The following ADAMTS9 variants were observed in gnomAD, a reference collection of about 807,000 sequenced individuals.
The protein encoded by ADAMTS9 is A disintegrin and metalloproteinase with thrombospondin motifs 9.
ADAMTS9 carries 107 observed loss-of-function variants against 257.1 expected under a neutral mutation model. The ratio of observed to expected loss-of-function variants is 0.42; its 90% CI spans 0.36 to 0.49. The LOEUF is 0.49. Ranked by LOEUF, ADAMTS9 falls within the 20% of genes least tolerant of loss-of-function variation. The pLI is 0.03. For missense variants in ADAMTS9, 2,353 were observed against 2,469.1 expected, an observed-to-expected ratio of 0.95 and a Z score of 1.00; for synonymous variants, 982 against 880.9, an observed-to-expected ratio of 1.11 and a Z score of -2.03.
Position 64,641,952 on chromosome 3 carries a change from G to A in ADAMTS9, c.1752C>T (p.Val584=). Residue 584 remains valine (V), a synonymous_variant, in exon 12 of 40, where the codon GTC becomes GTT. Coordinates refer to ENST00000498707, the MANE Select transcript of ADAMTS9 (RefSeq NM_182920.2). The part of the protein sequence containing the change: ...YGFCVPKEMD[V]PVTDGSWGSW... ...TTCCCCAGGATCCATCTGTCACGGG[G>A]ACATCCATTTCTTTGGGAACACAAA... is the stretch of plus-strand genomic sequence containing the variant. The A allele has an allele frequency of 6.2e-7, 1 of 1,614,078 alleles. No homozygotes were observed. Among genetic ancestry groups the A allele is most frequent in the Admixed American group, 1.7e-5 (1 of 60,010 alleles).
At chr3:64,556,309 T>C (rs1415487914) in intron 30 of ADAMTS9, among the ~76,000 whole-genome samples, 1 of 152,120 alleles carries the variant, frequency 6.6e-6, no homozygotes, top group East Asian at 1.9e-4. Context: ...AGTTTGACTG[T>C]GCTTTTATTT....
chr3:64,576,248 C>A (rs745883547), intron 28 of ADAMTS9, among the ~76,000 whole-genome samples: 1 of 152,276 alleles, frequency 6.6e-6, no homozygotes, highest in African/African-American at 2.4e-5. Flanking sequence ...AGAACTCCTG[C>A]GTTTCTCCCT....
At chr3:64,544,667 G>A (rs911894130) in intron 32 of ADAMTS9, among the ~76,000 whole-genome samples, 1 of 152,096 alleles carries the variant, frequency 6.6e-6, no homozygotes, top group East Asian at 1.9e-4. Context: ...AACCCTAGAA[G>A]AAAACCTAGG....
intron 39 of ADAMTS9, 66 bp downstream of exon 39, chr3:64,522,100 G>T: frequency 7.2e-7 from 1 of 1,381,796 alleles, no homozygotes; most frequent in Non-Finnish European, 1.0e-6. Flanking sequence ...TCCCACATTT[G>T]CTCATATAGG....
chr3:64,568,620 A>G lies in ADAMTS9; in HGVS notation c.4357-85T>C, dbSNP rs1260872615. 9 of 1,472,192 alleles carry G rather than the reference A, an allele frequency of 6.1e-6. No homozygotes were observed. In the East Asian group the frequency reaches 2.1e-4, roughly 34 times the overall value. The allele number at this position is 1,472,192 out of a possible 1,614,324, so 91.2% of individuals were successfully genotyped here. A position where few individuals can be genotyped will look rare whatever the true frequency, so the allele number is the denominator to read the frequency against. On this transcript the variant is annotated intron_variant, in intron 28 of 39. Transcript: ENST00000498707. The stretch of plus-strand genomic sequence containing the variant: ...AAAACCTGCGTCTTGAGATGTTAAG[A>G]CAATGCCTAACAAGAGTTACCATTC...
chr3:64,616,756 G>C (rs969903129), intron 19 of ADAMTS9, among the ~76,000 whole-genome samples: 1 of 152,094 alleles, frequency 6.6e-6, no homozygotes, highest in Non-Finnish European at 1.5e-5. Context: ...AAACTAAATA[G>C]AATATTCTAA....
Position 64,621,198 on chromosome 3 carries a change from T to C in ADAMTS9, c.2729A>G (p.Gln910Arg), listed in dbSNP as rs1032074419. The C allele has an allele frequency of 9.9e-6, 16 of 1,613,796 alleles. No individual in the cohort carries two copies. Among genetic ancestry groups the C allele is most frequent in the Non-Finnish European group, 1.2e-5 (14 of 1,179,918 alleles). ...RKLVCTRESD[Q>R]LTVSDQRCDR... ...GCATCTTTGATCAGAAACAGTAAGC[T>C]GATCAGATTCCCTGGTGCAAACAAG... The change falls in exon 19 of 40, where the codon CAG (glutamine) becomes CGG (arginine). Residue 910 changes from glutamine (Q) to arginine (R), a missense_variant. Coordinates refer to ENST00000498707, the MANE Select transcript of ADAMTS9 (RefSeq NM_182920.2).
chr3:64,560,422 G>A (rs1465250244), intron 30 of ADAMTS9, among the ~76,000 whole-genome samples: 1 of 152,202 alleles, frequency 6.6e-6, no homozygotes, highest in Non-Finnish European at 1.5e-5. Context: ...ATGAGGAGGC[G>A]AGGGAAGAGG....
chr3:64,629,881 C>T (rs1043122647), intron 16 of ADAMTS9, among the ~76,000 whole-genome samples: 2 of 152,210 alleles, frequency 1.3e-5, no homozygotes, highest in Non-Finnish European at 2.9e-5. Flanking sequence ...TGAAGGCTCA[C>T]TGTCTATCTA....
At position 64,602,104 on chromosome 3, in the gene ADAMTS9, G is replaced by T; in HGVS notation, c.3857C>A (p.Thr1286Asn). 3.1e-6 allele frequency: 5 copies of T among 1,614,144 alleles called. No homozygotes were observed. The highest frequency in any genetic ancestry group is 2.2e-5 in the East Asian group (1 of 44,854). ...SECDQDYIPE[T>N]DQDCSMSPCP... ...TGGTGACATGGAACAGTCCTGGTCA[G>T]TTTCTGGGATATAATCCTGGTCACA... The change falls in exon 26 of 40, where the codon ACT (threonine) becomes AAT (asparagine). Residue 1286 changes from threonine to asparagine, a missense_variant. By Grantham distance (65) the Thr-to-Asn change is moderately conservative. This residue lies in a region of ADAMTS9 where 1,402 missense variants were observed against 1,441.4 expected (regional missense o/e 0.97). Coordinates refer to ENST00000498707, the MANE Select transcript of ADAMTS9 (RefSeq NM_182920.2).
At chr3:64,519,689 C>T (rs2082825773) in intron 39 of ADAMTS9, among the ~76,000 whole-genome samples, 1 of 152,066 alleles carries the variant, frequency 6.6e-6, no homozygotes, top group African/African-American at 2.4e-5. Flanking sequence ...CAATTAAAAA[C>T]AAAAACAATA....
intron 38 of ADAMTS9, among the ~76,000 whole-genome samples, chr3:64,532,057 C>A (rs1250069596): frequency 6.6e-6 from 1 of 152,198 alleles, no homozygotes; most frequent in Non-Finnish European, 1.5e-5. Context: ...CGATTCAGCT[C>A]ATCTGTGTGG....
At chr3:64,676,709 T>G (rs2107033507) in intron 3 of ADAMTS9, among the ~76,000 whole-genome samples, 1 of 152,292 alleles carries the variant, frequency 6.6e-6, no homozygotes, top group South Asian at 2.1e-4. Flanking sequence ...GTTTCCAGGC[T>G]TTTGCTATAA....
At chr3:64,638,400 G>A (rs968479449) in intron 12 of ADAMTS9, among the ~76,000 whole-genome samples, 1 of 152,120 alleles carries the variant, frequency 6.6e-6, no homozygotes, top group African/African-American at 2.4e-5. Context: ...TGTTTTGGAG[G>A]TTCTGATTTT....
intron 28 of ADAMTS9, among the ~76,000 whole-genome samples, chr3:64,579,500 T>C (rs1202304075): frequency 6.6e-6 from 1 of 152,222 alleles, no homozygotes; most frequent in Non-Finnish European, 1.5e-5. Context: ...ATTTGACTTT[T>C]TTGTTTTGTT....
chr3:64,592,605 T>C (rs188081681), intron 28 of ADAMTS9: 12 of 152,208 alleles, frequency 7.9e-5, no homozygotes, highest in African/African-American at 2.9e-4. Flanking sequence ...TTTTTCCCCC[T>C]GTTTTCCCAA....
rs767514032 is a variant in ADAMTS9 at position 64,550,917 on chromosome 3, A to G, written c.4844T>C (p.Val1615Ala). 1 of 1,614,122 alleles carries G rather than the reference A, an allele frequency of 6.2e-7. No individual in the cohort carries two copies. The highest frequency in any genetic ancestry group is 1.1e-5 in the South Asian group (1 of 91,080). Residue 1615 changes from valine (V) to alanine (A), a missense_variant, in exon 31 of 40, where the codon GTC (valine) becomes GCC (alanine). Coordinates refer to ENST00000498707, the MANE Select transcript of ADAMTS9 (RefSeq NM_182920.2). ...CTCTGACCATTCTCCTGTGATCCAG[A>G]CATACTCGCAGGGTTGCAAACTACA... ...ESCSLQPCEY[V>A]WITGEWSECS...
chr3:64,561,802 G>T (rs747686401), intron 29 of ADAMTS9, 51 bp from the exon 30 acceptor site: 98 of 919,354 alleles, frequency 1.1e-4, no homozygotes, highest in Admixed American at 6.1e-4. Flanking sequence ...TATTTTTTGG[G>T]GGGGCGGGGG....
At chr3:64,683,447 C>T (rs746854993) in intron 2 of ADAMTS9, among the ~76,000 whole-genome samples, 1 of 152,118 alleles carries the variant, frequency 6.6e-6, no homozygotes, top group Admixed American at 6.5e-5. Context: ...CAGAAAGACC[C>T]GGTTGAAATC....
Sources: gnomAD v4.1 joint callset for allele counts (sites outside exome capture counted in the v4.1 genomes callset) on GRCh38, gnomAD v4.1.1 for gene constraint, gnomAD v4.1.1 regional missense constraint, MANE v1.5 for transcripts, NCBI Gene and HGNC (gene_info 2026-07-23, HGNC 2026-07-21) for gene names.